NRG1: variants seen among roughly 807,000 people sequenced by gnomAD.
NRG1 encodes the protein neuregulin 1.
Under a neutral mutation model 63.8 loss-of-function variants are expected in NRG1, and 18 were observed. The ratio of observed to expected loss-of-function variants is 0.28; its 90% confidence interval spans 0.19 to 0.42. The LOEUF is 0.42. Among genes scored for constraint, NRG1 ranks in the 10% least tolerant of loss-of-function variants. The pLI, the probability that NRG1 is intolerant of heterozygous loss-of-function variation, is 1.00. For missense variants in NRG1, 762 were observed against 814.7 expected, an observed-to-expected ratio of 0.94 and a Z score of 0.79; for synonymous variants, 302 against 301.3, an observed-to-expected ratio of 1.00 and a Z score of -0.02.
chr8:32,605,675 A>C (rs1345163148), exon 3 of NRG1: 27 of 1,612,950 alleles, frequency 1.7e-5, no homozygotes, highest in Non-Finnish European at 2.3e-5. Flanking sequence ...ACCATCGTGG[A>C]ATCAAACGGT....
chr8:31,853,947 T>C (rs1827544943), intron 1 of NRG1, among the ~76,000 whole-genome samples: 1 of 150,844 alleles, frequency 6.6e-6, no homozygotes, highest in Admixed American at 6.6e-5. Context: ...CAGCCTTGCA[T>C]CCCAGGGATG....
intron 5 of NRG1, among the ~76,000 whole-genome samples, chr8:32,618,348 A>G (rs72612113): frequency 0.068 from 10,422 of 152,238 alleles, 1,116 homozygotes; most frequent in East Asian, 0.51. Flanking sequence ...GCTATCATCA[A>G]TGGGACCATA....
chr8:31,916,551 T>C (rs1350729986), intron 1 of NRG1, among the ~76,000 whole-genome samples: 1 of 152,236 alleles, frequency 6.6e-6, no homozygotes, highest in East Asian at 1.9e-4. Context: ...TTTTTATGGC[T>C]GCATAGTAAT....
At chr8:32,191,144 G>A (rs931627568) in intron 1 of NRG1, among the ~76,000 whole-genome samples, 2 of 151,706 alleles carry the variant, frequency 1.3e-5, no homozygotes, top group Non-Finnish European at 2.9e-5. Flanking sequence ...AAGTGCAGTG[G>A]CATGATCTCA....
chr8:31,640,581 C>A lies in NRG1; in HGVS notation c.37+1150C>A, dbSNP rs1803655715. The A allele has an allele frequency of 1.2e-6, 2 of 1,611,924 alleles. No individual in the cohort carries two copies. Among genetic ancestry groups the A allele is most frequent in the Non-Finnish European group, 8.5e-7 (1 of 1,179,522 alleles). On this transcript the variant is annotated intron_variant, in intron 1 of 10. Transcript: ENST00000519301. This position sits in a 1 kb window ranked among gnomAD's most constrained non-coding sequence, Gnocchi z 6.3. ...CCGCCTTCCCCTCCTGCGGGAGGCT[C>A]AAGGAGGACAGCAGGTACATCTTCT...
chr8:32,600,273 C>T (rs925230299), intron 2 of NRG1, among the ~76,000 whole-genome samples: 6 of 151,968 alleles, frequency 3.9e-5, no homozygotes, highest in Non-Finnish European at 5.9e-5. Context: ...TCCTCTTTCA[C>T]TTCTTTGTCC....
At chr8:31,940,545 C>T (rs750690315) in intron 1 of NRG1, among the ~76,000 whole-genome samples, 22 of 151,850 alleles carry the variant, frequency 1.4e-4, no homozygotes, top group Admixed American at 5.3e-4. Flanking sequence ...AAAGAAATAA[C>T]GAGGATCAGA....
At chr8:31,683,112 C>G (rs556278742) in intron 1 of NRG1, among the ~76,000 whole-genome samples, 1 of 152,152 alleles carries the variant, frequency 6.6e-6, no homozygotes, top group African/African-American at 2.4e-5. Flanking sequence ...TAGAGCCTAA[C>G]ATACCTGGGC....
At chr8:32,054,782 T>C (rs1051419793) in intron 1 of NRG1, among the ~76,000 whole-genome samples, 2 of 151,416 alleles carry the variant, frequency 1.3e-5, no homozygotes, top group Non-Finnish European at 1.5e-5. Flanking sequence ...CAGCATAATC[T>C]TCCATCTCAG....
At chr8:32,353,954 C>T (rs536023814) in intron 1 of NRG1, among the ~76,000 whole-genome samples, 7 of 152,180 alleles carry the variant, frequency 4.6e-5, no homozygotes, top group African/African-American at 1.2e-4. Flanking sequence ...AAACAAATTG[C>T]GGCATATACA....
At chr8:31,959,628 G>T (rs1028277845) in intron 1 of NRG1, among the ~76,000 whole-genome samples, 5 of 152,006 alleles carry the variant, frequency 3.3e-5, no homozygotes, top group African/African-American at 1.2e-4. Flanking sequence ...AATCTATAAA[G>T]CCTTATCCAG....
rs1408167908 is a variant in NRG1, at chr8:31,640,031, G to A, written c.37+600G>A. ...CGCCGCTCCGGGCGTCCCGGCCCCC[G>A]GGCCCAGCGCCCCGGCTCCGCCGCC... On this transcript the variant is annotated intron_variant, in intron 1 of 10. Coordinates refer to the NRG1 transcript ENST00000519301. The surrounding 1 kb of genome is among the most constrained non-coding windows in gnomAD (Gnocchi z 6.3). 1 of 1,142,088 alleles carries A rather than the reference G, an allele frequency of 8.8e-7. No individual in the cohort carries two copies. The highest frequency in any genetic ancestry group is 4.5e-5 in the East Asian group (1 of 22,348). 70.7% of individuals were successfully genotyped at this position (1,142,088 alleles called of 1,614,324 possible).
intron 1 of NRG1, among the ~76,000 whole-genome samples, chr8:32,474,435 C>T (rs565688108): frequency 5.9e-5 from 9 of 152,270 alleles, no homozygotes; most frequent in Non-Finnish European, 1.0e-4. Flanking sequence ...CATCCCTTCC[C>T]TCCAGGGTCC....
intron 1 of NRG1, among the ~76,000 whole-genome samples, chr8:31,909,177 G>T (rs534212883): frequency 3.5e-4 from 53 of 152,136 alleles, no homozygotes; most frequent in Non-Finnish European, 6.9e-4. Context: ...AAGAAAATAG[G>T]CTCCATTTTC....
chr8:31,993,185 T>C (rs181694510), intron 1 of NRG1, among the ~76,000 whole-genome samples: 60 of 152,052 alleles, frequency 3.9e-4, no homozygotes, highest in Admixed American at 3.5e-3. Flanking sequence ...TTTAATGAAA[T>C]TAAAATGAGT....
chr8:32,058,085 A>G (rs1257404022), intron 1 of NRG1, among the ~76,000 whole-genome samples: 2 of 152,150 alleles, frequency 1.3e-5, no homozygotes, highest in Non-Finnish European at 2.9e-5. Context: ...ATACAAATGT[A>G]TTAATTCACC....
At chr8:31,927,699 C>T (rs1292844411) in intron 1 of NRG1, among the ~76,000 whole-genome samples, 8 of 149,770 alleles carry the variant, frequency 5.3e-5, no homozygotes, top group East Asian at 3.9e-4. Context: ...CCGCCCGCCT[C>T]GGCCTCCCAA....
At chr8:32,479,107 A>G (rs1824894922) in intron 1 of NRG1, among the ~76,000 whole-genome samples, 1 of 152,202 alleles carries the variant, frequency 6.6e-6, no homozygotes, top group Non-Finnish European at 1.5e-5. Context: ...AAACAAAAAC[A>G]TAAGAGACAG....
At chr8:31,881,499 A>T (rs1252442061) in intron 1 of NRG1, among the ~76,000 whole-genome samples, 1 of 152,164 alleles carries the variant, frequency 6.6e-6, no homozygotes, top group Non-Finnish European at 1.5e-5. Flanking sequence ...TCACAACCCT[A>T]TAATGGCTTC....
Sources: gnomAD v4.1 joint callset for allele counts (sites outside exome capture counted in the v4.1 genomes callset) on GRCh38, gnomAD v4.1.1 for gene constraint, Gnocchi (gnomAD v3.1) non-coding constraint, MANE v1.5 for transcripts, NCBI Gene and HGNC (gene_info 2026-07-23, HGNC 2026-07-21) for gene names.